Variants in PDE4D observed in about 807,000 individuals in gnomAD.
The protein encoded by PDE4D is 3',5'-cyclic-AMP phosphodiesterase 4D.
PDE4D carries 24 observed loss-of-function variants against 87.4 expected under a neutral mutation model. The observed-to-expected ratio is 0.27, with a 90% CI of 0.20 to 0.39. The LOEUF is 0.39. Among genes scored for constraint, PDE4D ranks in the 10% least tolerant of loss-of-function variants. PDE4D has a pLI of 1.00. For missense variants in PDE4D, 714 were observed against 1,041.0 expected, an observed-to-expected ratio of 0.69 and a Z score of 4.32; for synonymous variants, 384 against 383.2, an observed-to-expected ratio of 1.00 and a Z score of -0.02.
chr5:59,603,775 A>G (rs1827828096), intron 1 of PDE4D, among the ~76,000 whole-genome samples: 2 of 151,984 alleles, frequency 1.3e-5, no homozygotes, highest in African/African-American at 4.8e-5. Context: ...TGCAAGTGTG[A>G]TATTGATCAA....
chr5:59,068,569 C>A (rs780315042), intron 5 of PDE4D, among the ~76,000 whole-genome samples: 14 of 152,054 alleles, frequency 9.2e-5, no homozygotes, highest in Non-Finnish European at 1.6e-4. Context: ...AAATTTTAAT[C>A]TTATTAATGT....
At chr5:59,269,013 A>G (rs1022121731) in intron 1 of PDE4D, among the ~76,000 whole-genome samples, 1 of 152,076 alleles carries the variant, frequency 6.6e-6, no homozygotes, top group African/African-American at 2.4e-5. Flanking sequence ...TGACAGAGGA[A>G]CTACTAAGTG....
chr5:59,291,746 T>G (rs1190349622), intron 1 of PDE4D, among the ~76,000 whole-genome samples: 3 of 150,832 alleles, frequency 2.0e-5, no homozygotes, highest in Non-Finnish European at 4.4e-5. Flanking sequence ...AAGTTTTTTT[T>G]TTTTTTTTTT....
At chr5:59,949,815 C>T (rs931162995) in intron 3 of PDE4D, among the ~76,000 whole-genome samples, 5 of 152,072 alleles carry the variant, frequency 3.3e-5, no homozygotes, top group Middle Eastern at 3.2e-3. Flanking sequence ...GTTATCTTTC[C>T]GGTTTTCCTT....
chr5:59,398,708 A>G (rs1386798232), intron 1 of PDE4D, among the ~76,000 whole-genome samples: 2 of 116,856 alleles, frequency 1.7e-5, no homozygotes, highest in South Asian at 3.0e-4. Flanking sequence ...CCTATTTAAC[A>G]TAGTGTTGGA....
chr5:60,188,159 G>A (rs900645269), intron 1 of PDE4D: 2 of 152,138 alleles, frequency 1.3e-5, no homozygotes, highest in African/African-American at 4.8e-5. Flanking sequence ...TAACCAGTAT[G>A]AATAATCTAC....
In PDE4D at chr5:59,215,932, A is replaced by G; in HGVS notation, c.492T>C (p.Ser164=). ...CTGGGCTGGTCATGGGATCCAAGGG[A>G]CTCCGTCCCGCAGATGTGCCATTGT... ...DVDNGTSAGR[S]PLDPMTSPGS... is the part of the protein sequence containing the mutation. The change falls in exon 2 of 15, where the codon AGT becomes AGC. Residue 164 remains serine (S), a synonymous_variant. Coordinates refer to ENST00000340635, the MANE Select transcript of PDE4D (RefSeq NM_001104631.2). 1 of 1,613,224 alleles carries G rather than the reference A, an allele frequency of 6.2e-7. No homozygotes were observed. The highest frequency in any genetic ancestry group is 8.5e-7 in the Non-Finnish European group (1 of 1,179,486).
At chr5:59,188,823 T>C (rs924313463) in intron 3 of PDE4D, among the ~76,000 whole-genome samples, 1 of 152,226 alleles carries the variant, frequency 6.6e-6, no homozygotes, top group Non-Finnish European at 1.5e-5. Context: ...CCTATGAAAT[T>C]GCTGGTTTGT....
At chr5:60,452,053 T>C (rs1746137224) in intron 1 of PDE4D, among the ~76,000 whole-genome samples, 1 of 152,130 alleles carries the variant, frequency 6.6e-6, no homozygotes, top group Non-Finnish European at 1.5e-5. Context: ...ATGGTTCAAT[T>C]AACAGCAAAA....
At position 60,070,364 on chromosome 5, in the gene PDE4D, T is replaced by C. The variant is rs74339686; in HGVS notation, c.43-81647A>G. Among the ~76,000 whole-genome samples, 131 of 152,264 alleles carry C rather than the reference T, an allele frequency of 8.6e-4. 3 individuals carry two copies. The East Asian group carries it at 0.025, about 29-fold the overall frequency. ...ATTATGTTGAGGTATATAATATTTG[T>C]ATTTGTATTTGACATAATCTATTAC... On this transcript the variant is annotated intron_variant, in intron 2 of 16. Coordinates refer to the PDE4D transcript ENST00000502484.
intron 1 of PDE4D, among the ~76,000 whole-genome samples, chr5:59,259,889 G>A (rs937780804): frequency 2.0e-5 from 3 of 151,650 alleles, no homozygotes; most frequent in African/African-American, 4.8e-5. Context: ...TCTTCTCTCC[G>A]TCGGTCTGAA....
At chr5:60,360,893 G>A (rs1454517913) in intron 1 of PDE4D, among the ~76,000 whole-genome samples, 1 of 152,210 alleles carries the variant, frequency 6.6e-6, no homozygotes, top group Admixed American at 6.5e-5. Flanking sequence ...ATCATCAAGT[G>A]AGCAGTGTTT....
At chr5:59,491,879 GA>G (rs1486748781) in intron 1 of PDE4D, among the ~76,000 whole-genome samples, 1 of 152,170 alleles carries the variant, frequency 6.6e-6, no homozygotes, top group African/African-American at 2.4e-5. Context: ...GGAGAAATAA[GA>G]AAAAGCTGTA....
chr5:59,268,483 T>C (rs574391112), intron 1 of PDE4D, among the ~76,000 whole-genome samples: 67 of 152,186 alleles, frequency 4.4e-4, no homozygotes, highest in African/African-American at 1.6e-3. Context: ...TTGTGCCCCA[T>C]GTGGTACCCC....
At chr5:59,128,142 T>A (rs1451545027) in intron 5 of PDE4D, among the ~76,000 whole-genome samples, 1 of 151,886 alleles carries the variant, frequency 6.6e-6, no homozygotes, top group Non-Finnish European at 1.5e-5. Flanking sequence ...TATAAGGCTA[T>A]TCCCCCGACA....
chr5:59,868,276 C>A (rs749031678), intron 1 of PDE4D, among the ~76,000 whole-genome samples: 1 of 151,936 alleles, frequency 6.6e-6, no homozygotes, highest in Non-Finnish European at 1.5e-5. Flanking sequence ...AATTTATTTT[C>A]GGTAAAAATA....
chr5:59,008,046 T>C (rs10065540), intron 6 of PDE4D, among the ~76,000 whole-genome samples: 30,977 of 151,846 alleles, frequency 0.2, 3,594 homozygotes, highest in East Asian at 0.54. Context: ...AATTCATATA[T>C]GGTAGAGACA....
Position 59,458,881 on chromosome 5 carries a change from TTGGCA to T in PDE4D, c.456-242918_456-242914del, listed in dbSNP as rs564644501. 3.3e-5 allele frequency among the ~76,000 whole-genome samples: 5 copies of T among 152,348 alleles called. No homozygotes were observed. The South Asian group carries it at 1.0e-3, about 32-fold the overall frequency. On this transcript the variant is annotated intron_variant, in intron 1 of 14. Transcript: ENST00000340635. Reference sequence around the variant, plus strand: ...CATCCTTCCCCAATCTCATATTTTATTGGCAATGCAAGAAGACATAATTTGCATGA... The same window carrying T: ...CATCCTTCCCCAATCTCATATTTTATATGCAAGAAGACATAATTTGCATGA...
At chr5:60,034,444 C>T (rs1306775149) in intron 2 of PDE4D, among the ~76,000 whole-genome samples, 1 of 152,150 alleles carries the variant, frequency 6.6e-6, no homozygotes, top group African/African-American at 2.4e-5. Flanking sequence ...TGGCTTGCGG[C>T]TTCACACCAA....
Sources: gnomAD v4.1 joint callset for allele counts (sites outside exome capture counted in the v4.1 genomes callset) on GRCh38, gnomAD v4.1.1 for gene constraint, MANE v1.5 for transcripts, NCBI Gene and HGNC (gene_info 2026-07-23, HGNC 2026-07-21) for gene names.